The following CWC22 variants were observed in gnomAD, a reference collection of about 807,000 sequenced individuals.
The protein encoded by CWC22 is pre-mRNA-splicing factor CWC22 homolog.
A neutral mutation model predicts 117.2 loss-of-function variants in CWC22; 53 were observed. The ratio of observed to expected loss-of-function variants is 0.45; its 90% confidence interval spans 0.36 to 0.57. The LOEUF (loss-of-function observed/expected upper bound fraction) is 0.57. Among genes scored for constraint, CWC22 ranks in the 20% least tolerant of loss-of-function variants. CWC22 has a pLI of 0.00. For missense variants in CWC22, 980 were observed against 1,068.8 expected, an observed-to-expected ratio of 0.92 and a Z score of 1.16; for synonymous variants, 360 against 355.6, an observed-to-expected ratio of 1.01 and a Z score of -0.14.
chr2:179,983,333 A>G (rs1687332501), intron 4 of CWC22, among the ~76,000 whole-genome samples: 2 of 152,164 alleles, frequency 1.3e-5, no homozygotes, highest in Middle Eastern at 3.4e-3. Context: ...CTCATAATTT[A>G]GCTCCCACTT....
At chr2:179,955,262 T>C (rs1231104473) in intron 14 of CWC22, among the ~76,000 whole-genome samples, 1 of 151,986 alleles carries the variant, frequency 6.6e-6, no homozygotes, top group Non-Finnish European at 1.5e-5. Flanking sequence ...ACATTAATTA[T>C]AAAATTCTAA....
At chr2:179,993,534 C>T in intron 1 of CWC22, 80 bp from the exon 2 acceptor site, 1 of 518,844 alleles carries the variant, frequency 1.9e-6, no homozygotes, top group Non-Finnish European at 3.4e-6. Flanking sequence ...ATACAATGGA[C>T]ATTTGACCGC....
intron 1 of CWC22, among the ~76,000 whole-genome samples, chr2:179,998,092 AG>A (rs1687753827): frequency 1.3e-5 from 2 of 152,146 alleles, no homozygotes; most frequent in East Asian, 1.9e-4. Flanking sequence ...AGTATTCCCA[AG>A]GTAACTCCAA....
At chr2:180,002,208 CTAAGA>C (rs1328021310) in intron 1 of CWC22, among the ~76,000 whole-genome samples, 1 of 152,216 alleles carries the variant, frequency 6.6e-6, no homozygotes, top group African/African-American at 2.4e-5. Context: ...AGCTCTTCTT[CTAAGA>C]TATGACTTAC....
Position 179,973,820 on chromosome 2 carries a change from T to G in CWC22, c.582-18A>C, listed in dbSNP as rs764046432. ...GCAGTCCTCTGTTTAAAAAAGAATTTAAAAAGGAGTCAACAATAATCACCA... is the reference window on the plus strand; with the variant it reads ...GCAGTCCTCTGTTTAAAAAAGAATTGAAAAAGGAGTCAACAATAATCACCA... On this transcript the variant is annotated intron_variant, in intron 6 of 19. Coordinates refer to ENST00000410053, the MANE Select transcript of CWC22 (RefSeq NM_020943.3). 6.9e-7 allele frequency: 1 copy of G among 1,458,696 alleles called. No individual in the cohort carries two copies. Among genetic ancestry groups the G allele is most frequent in the Non-Finnish European group, 9.2e-7 (1 of 1,091,244 alleles). The allele number at this position is 1,458,696 out of a possible 1,614,324, so 90.4% of individuals were successfully genotyped here. A position where few individuals can be genotyped will look rare whatever the true frequency, so the allele number is the denominator to read the frequency against.
chr2:179,973,310 C>G (rs1687077641), intron 7 of CWC22, 64 bp from the exon 8 acceptor site: 1 of 1,074,920 alleles, frequency 9.3e-7, no homozygotes, highest in Non-Finnish European at 1.4e-6. Flanking sequence ...TTTACATAAT[C>G]TATGGCCTAC....
At chr2:179,980,198 G>T (rs768091285) in intron 5 of CWC22, among the ~76,000 whole-genome samples, 1 of 152,006 alleles carries the variant, frequency 6.6e-6, no homozygotes, top group African/African-American at 2.4e-5. Context: ...TGAGCAAAAC[G>T]TTTACATGAT....
chr2:179,985,216 T>C (rs1180494575), intron 4 of CWC22, among the ~76,000 whole-genome samples: 2 of 152,040 alleles, frequency 1.3e-5, no homozygotes, highest in Non-Finnish European at 2.9e-5. Flanking sequence ...GTGTAAAATA[T>C]AGACATCCCA....
rs927676901 is a variant in CWC22, at chr2:179,973,185, T to A, written c.804+8A>T. 6.3e-7 allele frequency: 1 copy of A among 1,586,406 alleles called. No individual in the cohort carries two copies. The highest frequency in any genetic ancestry group is 1.3e-5 in the African/African-American group (1 of 74,472). On this transcript the variant is annotated splice_region_variant and intron_variant, in intron 8 of 19. Transcript: ENST00000410053. ...GAATGGGACCAAGTATTGAAGATAA[T>A]TACTTACCACATTTTGGTTAATAAG...
At chr2:179,996,642 G>C (rs1477194506) in intron 1 of CWC22, among the ~76,000 whole-genome samples, 8 of 151,996 alleles carry the variant, frequency 5.3e-5, no homozygotes, top group African/African-American at 1.7e-4. Context: ...TCAGAGGCCA[G>C]AAAGGGGAGT....
rs894927213 is a variant in CWC22 at position 179,973,733 on chromosome 2, T to C, written c.651A>G (p.Ala217=). 3 of 1,611,266 alleles carry C rather than the reference T, an allele frequency of 1.9e-6. No individual in the cohort carries two copies. The highest frequency in any genetic ancestry group is 2.7e-5 in the African/African-American group (2 of 74,856). The part of the protein sequence containing the change: ...ASPIFTHVYA[A]LVAIINSKFP... ...ATTTTGAGTTGATAATTGCCACTAA[T>C]GCTGCATAAACATGGGTGAAGATTG... is the stretch of plus-strand genomic sequence containing the variant. The change falls in exon 7 of 20, where the codon GCA becomes GCG. Residue 217 remains alanine (A), a synonymous_variant. Transcript: ENST00000410053.
intron 1 of CWC22, among the ~76,000 whole-genome samples, chr2:179,996,012 A>G (rs1413101993): frequency 2.0e-5 from 3 of 152,226 alleles, no homozygotes; most frequent in Non-Finnish European, 2.9e-5. Flanking sequence ...ACACATGTAC[A>G]AGACAGATTC....
chr2:179,946,772 A>G (rs1356368289), intron 19 of CWC22, among the ~76,000 whole-genome samples: 1 of 152,184 alleles, frequency 6.6e-6, no homozygotes, highest in South Asian at 2.1e-4. Context: ...GCTTAACAGC[A>G]TGAACATATA....
chr2:179,985,176 T>C (rs1263146005), intron 4 of CWC22, among the ~76,000 whole-genome samples: 1 of 152,088 alleles, frequency 6.6e-6, no homozygotes, highest in Admixed American at 6.5e-5. Context: ...TCTATTCTCT[T>C]TCTACTATGC....
chr2:179,994,437 ATGCCAGC>A (rs1260018622), intron 1 of CWC22, among the ~76,000 whole-genome samples: 3 of 152,200 alleles, frequency 2.0e-5, no homozygotes, highest in Non-Finnish European at 4.4e-5. Context: ...TTAAATTATA[ATGCCAGC>A]TAGACTTACA....
chr2:179,964,977 G>A (rs6722147), intron 12 of CWC22, among the ~76,000 whole-genome samples: 137,806 of 152,182 alleles, frequency 0.91, 62,466 homozygotes, highest in East Asian at 1. Flanking sequence ...TAGACGCACT[G>A]TATAACTCAT....
chr2:179,975,002 A>G (rs576427920), intron 6 of CWC22, among the ~76,000 whole-genome samples: 1 of 152,238 alleles, frequency 6.6e-6, no homozygotes, highest in South Asian at 2.1e-4. Context: ...CAGGCTCCCA[A>G]AGTGCTAGGA....
intron 16 of CWC22, among the ~76,000 whole-genome samples, chr2:179,953,900 T>A (rs1280483256): frequency 6.6e-6 from 1 of 152,122 alleles, no homozygotes; most frequent in Non-Finnish European, 1.5e-5. Context: ...TGAGTGTGCA[T>A]GCACGTGTGT....
intron 1 of CWC22, among the ~76,000 whole-genome samples, chr2:179,994,164 A>C (rs1258867152): frequency 6.6e-6 from 1 of 152,240 alleles, no homozygotes; most frequent in Non-Finnish European, 1.5e-5. Flanking sequence ...ACTTGCATTC[A>C]AATATTTTAT....
Sources: allele counts gnomAD v4.1 joint callset (sites outside exome capture counted in the v4.1 genomes callset), GRCh38; gene constraint gnomAD v4.1.1; transcripts MANE v1.5; gene names NCBI Gene and HGNC (gene_info 2026-07-23, HGNC 2026-07-21).